Variants in MSRB3 observed in about 807,000 individuals in gnomAD.
The protein encoded by MSRB3 is methionine sulfoxide reductase B3.
In MSRB3, 13 loss-of-function variants were observed where a neutral mutation model predicts 21.0. The ratio of observed to expected loss-of-function variants is 0.62; its 90% confidence interval spans 0.40 to 0.98. MSRB3 has a LOEUF of 0.98. Ranked by LOEUF, MSRB3 falls within the 50% of genes least tolerant of loss-of-function variation. The pLI is 0.00. For synonymous variants in MSRB3, 87 were observed against 88.6 expected (o/e 0.98, Z 0.10); for missense variants, 199 against 230.3 (o/e 0.86, Z 0.88).
intron 4 of MSRB3, among the ~76,000 whole-genome samples, chr12:65,341,913 T>C (rs1592541718): frequency 6.6e-6 from 1 of 151,970 alleles, no homozygotes; most frequent in Non-Finnish European, 1.5e-5. Flanking sequence ...TATTCTTTAA[T>C]TTAAAAACCT....
At chr12:65,347,686 A>C (rs989880423) in intron 4 of MSRB3, among the ~76,000 whole-genome samples, 9 of 152,210 alleles carry the variant, frequency 5.9e-5, no homozygotes, top group Non-Finnish European at 1.0e-4. Flanking sequence ...GAATGCTTCC[A>C]GTTTTTGCCC....
chr12:65,454,148 A>T, intron 6 of MSRB3: 1 of 558,076 alleles, frequency 1.8e-6, no homozygotes, highest in Non-Finnish European at 3.1e-6. Flanking sequence ...TTAGCAGGGC[A>T]TGGTAGCATA....
At chr12:65,352,032 A>T (rs1424418833) in intron 4 of MSRB3, among the ~76,000 whole-genome samples, 4 of 152,014 alleles carry the variant, frequency 2.6e-5, no homozygotes, top group Non-Finnish European at 4.4e-5. Flanking sequence ...TTAGACCAAT[A>T]TCCTTGATGA....
chr12:65,347,267 G>T (rs907054617), intron 4 of MSRB3, among the ~76,000 whole-genome samples: 1 of 152,098 alleles, frequency 6.6e-6, no homozygotes, highest in Non-Finnish European at 1.5e-5. Context: ...TCATTGAGCA[G>T]TGGTTTGTAG....
At position 65,278,978 on chromosome 12, in the gene MSRB3, C is replaced by T. The variant is rs536608095; in HGVS notation, c.-52+113C>T. Reference sequence around the variant, plus strand: ...TTCCATTCTGCGCCTGCTGCGCCCCCTCGGCCACCTGCGGGGACAGCCCCT... The same window carrying T: ...TTCCATTCTGCGCCTGCTGCGCCCCTTCGGCCACCTGCGGGGACAGCCCCT... On this transcript the variant is annotated intron_variant, in intron 1 of 6. Coordinates refer to ENST00000308259, the MANE Select transcript of MSRB3 (RefSeq NM_001031679.3). 17 of 1,494,340 alleles carry T rather than the reference C, an allele frequency of 1.1e-5. No homozygotes were observed. In the African/African-American group the frequency reaches 1.8e-4, roughly 16 times the overall value. 92.6% of individuals were successfully genotyped at this position (1,494,340 alleles called of 1,614,324 possible).
At chr12:65,424,601 C>T (rs1023041022) in intron 5 of MSRB3, among the ~76,000 whole-genome samples, 3 of 151,984 alleles carry the variant, frequency 2.0e-5, no homozygotes, top group Admixed American at 1.3e-4. Flanking sequence ...TTAACTTCTT[C>T]ACATGTGTGA....
rs567683866 is a variant in MSRB3 at position 65,424,754 on chromosome 12, G to A, written c.293-28974G>A. ...TATGATCTGTCCTGGAGAATGTTCCGCTTGTGCTTGAAGAGAATATGTATT... is the reference window on the plus strand; with the variant it reads ...TATGATCTGTCCTGGAGAATGTTCCACTTGTGCTTGAAGAGAATATGTATT... On this transcript the variant is annotated intron_variant, in intron 5 of 6. Transcript: ENST00000308259. 1.3e-3 allele frequency among the ~76,000 whole-genome samples: 199 copies of A among 151,416 alleles called. 4 individuals are homozygous for A. The highest frequency in any genetic ancestry group is 3.4e-3 in the Middle Eastern group (1 of 294).
intron 5 of MSRB3, among the ~76,000 whole-genome samples, chr12:65,379,776 C>T (rs1878839406): frequency 2.0e-5 from 3 of 152,180 alleles, no homozygotes; most frequent in Non-Finnish European, 4.4e-5. Context: ...GTTGTGTTTA[C>T]TGAGCAGTCT....
chr12:65,287,328 A>G (rs924796840), intron 1 of MSRB3, among the ~76,000 whole-genome samples: 9 of 151,980 alleles, frequency 5.9e-5, no homozygotes, highest in South Asian at 2.1e-4. Context: ...GGGTCTCCCT[A>G]TGTTTCCCAG....
chr12:65,355,480 A>G (rs940044698), intron 4 of MSRB3, among the ~76,000 whole-genome samples: 2 of 151,838 alleles, frequency 1.3e-5, no homozygotes, highest in African/African-American at 4.8e-5. Context: ...TCTGCTGTTT[A>G]TATTTCATCT....
intron 4 of MSRB3, among the ~76,000 whole-genome samples, chr12:65,365,771 A>G (rs931499510): frequency 6.6e-6 from 1 of 152,204 alleles, no homozygotes; most frequent in African/African-American, 2.4e-5. Flanking sequence ...ATAATGAAAA[A>G]TGATACCAAA....
At chr12:65,388,847 G>C (rs562868757) in intron 5 of MSRB3, among the ~76,000 whole-genome samples, 1 of 152,228 alleles carries the variant, frequency 6.6e-6, no homozygotes, top group Non-Finnish European at 1.5e-5. Context: ...CTCTAGCCTG[G>C]GTGACAGAGT....
chr12:65,378,325 C>T (rs1407004958), intron 5 of MSRB3, among the ~76,000 whole-genome samples: 1 of 152,116 alleles, frequency 6.6e-6, no homozygotes, highest in African/African-American at 2.4e-5. Context: ...TACATATTAT[C>T]ACAATAATGC....
At chr12:65,401,519 G>A (rs987796041) in intron 5 of MSRB3, among the ~76,000 whole-genome samples, 2 of 152,042 alleles carry the variant, frequency 1.3e-5, no homozygotes, top group Non-Finnish European at 2.9e-5. Flanking sequence ...ACGTGAGATG[G>A]GTATCCTGAA....
chr12:65,322,260 G>T (rs1216125551), intron 2 of MSRB3, among the ~76,000 whole-genome samples: 1 of 152,144 alleles, frequency 6.6e-6, no homozygotes, highest in African/African-American at 2.4e-5. Context: ...GTACTGAGGT[G>T]ATTATTACTT....
At chr12:65,368,012 A>T (rs1299174798) in intron 4 of MSRB3, among the ~76,000 whole-genome samples, 1 of 152,130 alleles carries the variant, frequency 6.6e-6, no homozygotes, top group Non-Finnish European at 1.5e-5. Context: ...ATGACCAAGG[A>T]AGCTTCTTGC....
intron 6 of MSRB3, among the ~76,000 whole-genome samples, chr12:65,457,044 GATAAA>G (rs1311225139): frequency 1.3e-5 from 2 of 151,332 alleles, no homozygotes; most frequent in African/African-American, 4.9e-5. Flanking sequence ...ACCTTGACTT[GATAAA>G]ATAAAAGATT....
intron 2 of MSRB3, among the ~76,000 whole-genome samples, chr12:65,322,085 T>G (rs746175222): frequency 6.6e-6 from 1 of 152,174 alleles, no homozygotes; most frequent in Non-Finnish European, 1.5e-5. Context: ...AAGGTTTAGG[T>G]AACAGATCTA....
intron 4 of MSRB3, among the ~76,000 whole-genome samples, chr12:65,329,405 T>C (rs945150910): frequency 6.6e-6 from 1 of 152,162 alleles, no homozygotes; most frequent in African/African-American, 2.4e-5. Context: ...ATCACAGCAC[T>C]TTGGGAGGCC....
Sources: allele counts gnomAD v4.1 joint callset (sites outside exome capture counted in the v4.1 genomes callset), GRCh38; gene constraint gnomAD v4.1.1; transcripts MANE v1.5; gene names NCBI Gene and HGNC (gene_info 2026-07-23, HGNC 2026-07-21).